KCNH6: variants seen among roughly 807,000 people sequenced by gnomAD.
KCNH6 encodes potassium voltage-gated channel subfamily H member 6.
KCNH6 carries 81 observed loss-of-function variants against 83.4 expected under a neutral mutation model. That is an observed-to-expected ratio of 0.97 (90% CI 0.81 to 1.17). The LOEUF (loss-of-function observed/expected upper bound fraction) is 1.17, where lower values mean the gene tolerates loss of function less well. Ranked by LOEUF, KCNH6 falls within the 50% of genes most tolerant of loss-of-function variation. The probability of loss-of-function intolerance (pLI) is 0.00; values close to 1 mark genes in which losing one functional copy is unlikely to be tolerated. For synonymous variants in KCNH6, 503 were observed against 545.6 expected (o/e 0.92, Z 1.09); for missense variants, 1,203 against 1,290.5 (o/e 0.93, Z 1.04).
At position 63,536,212 on chromosome 17, in the gene KCNH6, T is replaced by C. The variant is rs1256430359; in HGVS notation, c.1501+144T>C. 6 of 766,400 alleles carry C rather than the reference T, an allele frequency of 7.8e-6. No individual in the cohort carries two copies. In the African/African-American group the frequency reaches 8.7e-5, roughly 11 times the overall value. The allele number at this position is 766,400 out of a possible 1,614,324, so 47.5% of individuals were successfully genotyped here. A position where few individuals can be genotyped will look rare whatever the true frequency, so the allele number is the denominator to read the frequency against. On this transcript the variant is annotated intron_variant, in intron 6 of 12. Coordinates refer to ENST00000314672, the MANE Select transcript of KCNH6 (RefSeq NM_001278919.2). ...GATCCTAAGTGTGCAGCACAATGAATTTTTGCTGGTGTGTGCACCAAGTGT... is the reference window on the plus strand; with the variant it reads ...GATCCTAAGTGTGCAGCACAATGAACTTTTGCTGGTGTGTGCACCAAGTGT...
In KCNH6 at chr17:63,530,516, C is replaced by A; in HGVS notation, c.649C>A (p.Gln217Lys). The A allele has an allele frequency of 5.0e-6, 8 of 1,614,130 alleles. No individual in the cohort carries two copies. The highest frequency in any genetic ancestry group is 6.8e-6 in the Non-Finnish European group (8 of 1,180,028). ...IAPHKVVERT[Q>K]NVTEKVTQVL... ...GCCCCATAAGGTGGTGGAGCGGACA[C>A]AGAACGTCACTGAGAAGGTCACCCA... The change falls in exon 4 of 13, where the codon CAG becomes AAG. Residue 217 changes from glutamine (Q) to lysine (K), a missense_variant. Gln to Lys is a moderately conservative substitution (Grantham distance 53, BLOSUM62 1). Coordinates refer to ENST00000314672, the MANE Select transcript of KCNH6 (RefSeq NM_001278919.2).
intron 11 of KCNH6, 38 bp downstream of exon 11, chr17:63,544,449 G>A (rs2033046164): frequency 6.8e-7 from 1 of 1,462,318 alleles, no homozygotes; most frequent in Non-Finnish European, 9.1e-7. Flanking sequence ...GCTGGTCATG[G>A]GTAGCCCCTC....
In KCNH6 at chr17:63,523,539, G is replaced by A; in HGVS notation, c.76+50G>A. The A allele has an allele frequency of 2.6e-6, 4 of 1,532,392 alleles. No homozygotes were observed. The highest frequency in any genetic ancestry group is 1.2e-5 in the South Asian group (1 of 86,940). 94.9% of individuals were successfully genotyped at this position (1,532,392 alleles called of 1,614,324 possible). On this transcript the variant is annotated intron_variant, in intron 1 of 12. Transcript: ENST00000314672. The surrounding 1 kb of genome is among the most constrained non-coding windows in gnomAD (Gnocchi z 4.2). Reference sequence around the variant, plus strand: ...GGGGACGATCTGGAGTCCTGGTTCCGTGAAAGGGGGGGCTGGACCCCTTTA... The same window carrying A: ...GGGGACGATCTGGAGTCCTGGTTCCATGAAAGGGGGGGCTGGACCCCTTTA...
rs1170534424 is a variant in KCNH6 at position 63,523,424 on chromosome 17, G to T, written c.11G>T (p.Arg4Leu). 1 of 1,595,856 alleles carries T rather than the reference G, an allele frequency of 6.3e-7. No homozygotes were observed. ...GGCCGCGGCCGAAAGATGCCGGTCCGCAGGGGCCACGTCGCTCCCCAAAAC... is the reference window on the plus strand; with the variant it reads ...GGCCGCGGCCGAAAGATGCCGGTCCTCAGGGGCCACGTCGCTCCCCAAAAC... MPV[R>L]RGHVAPQNTY... The change falls in exon 1 of 13, where the codon CGC becomes CTC. Residue 4 changes from arginine to leucine, a missense_variant. Arg to Leu is a moderately radical substitution (Grantham distance 102). Transcript: ENST00000314672. This position sits in a 1 kb window ranked among gnomAD's most constrained non-coding sequence, Gnocchi z 4.2.
chr17:63,545,139 C>A lies in KCNH6; in HGVS notation c.2458C>A (p.Pro820Thr). ...CTTGCAGCTCCTCCAGAAGCCCATG[C>A]CCCAGGGCCACGCCAGCTACATTCT... ...RILQLLQKPM[P>T]QGHASYILEA... The change falls in exon 12 of 13, where the codon CCC becomes ACC. Residue 820 changes from proline to threonine, a missense_variant. Coordinates refer to ENST00000314672, the MANE Select transcript of KCNH6 (RefSeq NM_001278919.2). 1 of 1,613,842 alleles carries A rather than the reference C, an allele frequency of 6.2e-7. No homozygotes were observed. Among genetic ancestry groups the A allele is most frequent in the Non-Finnish European group, 8.5e-7 (1 of 1,180,042 alleles).
At chr17:63,531,853 C>T (rs2032135779) in intron 4 of KCNH6, among the ~76,000 whole-genome samples, 1 of 152,216 alleles carries the variant, frequency 6.6e-6, no homozygotes, top group Non-Finnish European at 1.5e-5. Context: ...GTTTGTTCCT[C>T]AGCTTGGCCC....
rs143700601 is a variant in KCNH6 at position 63,533,915 on chromosome 17, G to A, written c.705G>A (p.Pro235=). ...QVLSLGADVL[P]EYKLQAPRIH... is the part of the protein sequence containing the mutation. ...TGTCCCTGGGCGCGGATGTGCTGCC[G>A]GAGTACAAGCTGCAGGCGCCGCGCA... is the stretch of plus-strand genomic sequence containing the variant. The change falls in exon 5 of 13, where the codon CCG becomes CCA. Residue 235 remains proline, a synonymous_variant. Transcript: ENST00000314672. The surrounding 1 kb of genome is among the most constrained non-coding windows in gnomAD (Gnocchi z 4.1). The A allele has an allele frequency of 6.2e-4, 993 of 1,613,720 alleles. 7 individuals are homozygous for A. The highest frequency in any genetic ancestry group is 2.8e-3 in the Middle Eastern group (17 of 6,058).
At chr17:63,544,947 A>T in intron 11 of KCNH6, 131 bp from the exon 12 acceptor site, 4 of 868,494 alleles carry the variant, frequency 4.6e-6, no homozygotes, top group Non-Finnish European at 7.4e-6. Flanking sequence ...CCCAGTAAGG[A>T]AATAGCTTCA....
intron 9 of KCNH6, 112 bp from the exon 10 acceptor site, chr17:63,543,464 T>C: frequency 1.4e-6 from 1 of 724,052 alleles, no homozygotes; most frequent in Non-Finnish European, 2.5e-6. Flanking sequence ...GCCCAGCTGC[T>C]TGTCATTCTT....
At chr17:63,541,642 C>A (rs2032868209) in intron 8 of KCNH6, among the ~76,000 whole-genome samples, 2 of 152,146 alleles carry the variant, frequency 1.3e-5, no homozygotes, top group African/African-American at 4.8e-5. Context: ...ATCTGCTTCC[C>A]TGAACAGTCC....
chr17:63,528,831 T>TTGTTTGTTTGTA (rs1187160270), intron 2 of KCNH6, among the ~76,000 whole-genome samples: 2 of 150,824 alleles, frequency 1.3e-5, no homozygotes, highest in Non-Finnish European at 3.0e-5. Flanking sequence ...ATGGGGTATT[T>TTGTTTGTTTGTA]TGTTTGTTTG....
rs1598002874 is a variant in KCNH6 at position 63,538,618 on chromosome 17, G to A, written c.1910G>A (p.Gly637Asp). The change falls in exon 8 of 13, where the codon GGC (glycine) becomes GAC (aspartate). Residue 637 changes from glycine (G) to aspartate (D), a missense_variant. Gly to Asp is a moderately conservative substitution (Grantham distance 94). Transcript: ENST00000314672. The surrounding 1 kb of genome is among the most constrained non-coding windows in gnomAD (Gnocchi z 4.0). Reference protein sequence around the residue: ...VLSTLYFISRGSIEILRDDVV... With the variant: ...VLSTLYFISRDSIEILRDDVV... ...TCCACCCTCTACTTCATCTCCCGAGGCTCCATCGAGATCCTGCGCGACGAC... is the reference window on the plus strand; with the variant it reads ...TCCACCCTCTACTTCATCTCCCGAGACTCCATCGAGATCCTGCGCGACGAC... 6.2e-7 allele frequency: 1 copy of A among 1,608,636 alleles called. No homozygotes were observed. The highest frequency in any genetic ancestry group is 1.1e-5 in the South Asian group (1 of 90,612).
rs2032323462 is a variant in KCNH6, at chr17:63,534,198, G to T, written c.988G>T (p.Val330Leu). The change falls in exon 5 of 13, where the codon GTG becomes TTG. Residue 330 changes from valine (V) to leucine (L), a missense_variant. Val to Leu is a conservative substitution (Grantham distance 32). Coordinates refer to ENST00000314672, the MANE Select transcript of KCNH6 (RefSeq NM_001278919.2). This position sits in a 1 kb window ranked among gnomAD's most constrained non-coding sequence, Gnocchi z 5.0. ...CACCTATGTCAACACCAATGATGAG[G>T]TGGTCAGCCACCCCCGCCGCATCGC... ...RTTYVNTNDE[V>L]VSHPRRIAVH... The T allele has an allele frequency of 6.2e-7, 1 of 1,613,882 alleles. No homozygotes were observed. Among genetic ancestry groups the T allele is most frequent in the Non-Finnish European group, 8.5e-7 (1 of 1,179,982 alleles).
At chr17:63,526,701 G>C (rs1397189908) in intron 2 of KCNH6, among the ~76,000 whole-genome samples, 1 of 152,066 alleles carries the variant, frequency 6.6e-6, no homozygotes, top group Non-Finnish European at 1.5e-5. Context: ...AGGGAGGTGG[G>C]AAGGGGTCCT....
At chr17:63,540,480 T>C (rs1246330873) in intron 8 of KCNH6, among the ~76,000 whole-genome samples, 1 of 152,068 alleles carries the variant, frequency 6.6e-6, no homozygotes, top group African/African-American at 2.4e-5. Context: ...TTATTATTAA[T>C]AATTAAGAAG....
chr17:63,538,788 C>A lies in KCNH6; in HGVS notation c.1954+126C>A. The A allele has an allele frequency of 1.0e-6, 1 of 989,798 alleles. No individual in the cohort carries two copies. The highest frequency in any genetic ancestry group is 1.5e-6 in the Non-Finnish European group (1 of 681,452). The allele number at this position is 989,798 out of a possible 1,614,324, so 61.3% of individuals were successfully genotyped here. ...TTACTTTTACTGGCAGCCACTTGCA[C>A]AGCATGTGCCCGGGAGAGCTTTAGA... On this transcript the variant is annotated intron_variant, in intron 8 of 12. Coordinates refer to ENST00000314672, the MANE Select transcript of KCNH6 (RefSeq NM_001278919.2). The surrounding 1 kb of genome is among the most constrained non-coding windows in gnomAD (Gnocchi z 4.0).
chr17:63,528,591 G>A (rs969385106), intron 2 of KCNH6, among the ~76,000 whole-genome samples: 7 of 152,168 alleles, frequency 4.6e-5, no homozygotes, highest in Admixed American at 2.0e-4. Flanking sequence ...TCCCCCACAC[G>A]TGGGCTTCCA....
At chr17:63,532,916 A>G (rs1217359811) in intron 4 of KCNH6, among the ~76,000 whole-genome samples, 1 of 152,120 alleles carries the variant, frequency 6.6e-6, no homozygotes, top group Non-Finnish European at 1.5e-5. Flanking sequence ...CTCACTAACT[A>G]CATGAGAAGA....
At chr17:63,526,577 A>G (rs2031731864) in intron 2 of KCNH6, among the ~76,000 whole-genome samples, 1 of 151,872 alleles carries the variant, frequency 6.6e-6, no homozygotes, top group Non-Finnish European at 1.5e-5. Context: ...AGGCTGGCAC[A>G]TGATCCATTT....
Sources: allele counts gnomAD v4.1 joint callset (sites outside exome capture counted in the v4.1 genomes callset), GRCh38; gene constraint gnomAD v4.1.1; non-coding constraint Gnocchi (gnomAD v3.1); transcripts MANE v1.5; gene names NCBI Gene and HGNC (gene_info 2026-07-23, HGNC 2026-07-21).